Variants in GRIN2B observed in about 807,000 individuals in gnomAD.
GRIN2B encodes glutamate ionotropic receptor NMDA type subunit 2B.
Under a neutral mutation model 114.5 loss-of-function variants are expected in GRIN2B, and 5 were observed. That is an observed-to-expected ratio of 0.04 (90% confidence interval 0.02 to 0.09). The LOEUF (loss-of-function observed/expected upper bound fraction) is 0.09, where lower values mean the gene tolerates loss of function less well. GRIN2B is among the 10% of genes least tolerant of loss of function. GRIN2B has a pLI of 1.00. For synonymous variants in GRIN2B, 787 were observed against 745.1 expected, an observed-to-expected ratio of 1.06 and a Z score of -0.92; for missense variants, 1,108 against 1,943.5, an observed-to-expected ratio of 0.57 and a Z score of 8.08.
At chr12:13,954,371 G>C (rs1340537040) in intron 2 of GRIN2B, among the ~76,000 whole-genome samples, 9 of 152,108 alleles carry the variant, frequency 5.9e-5, no homozygotes, top group Non-Finnish European at 1.0e-4. Context: ...GGTTGAAATG[G>C]GACAGATGGA....
chr12:13,722,314 A>G (rs186331396), intron 4 of GRIN2B, among the ~76,000 whole-genome samples: 255 of 152,266 alleles, frequency 1.7e-3, no homozygotes, highest in African/African-American at 5.7e-3. Context: ...ACTTGAAATA[A>G]TATAGTGGAG....
chr12:13,970,365 C>T (rs919330821), intron 2 of GRIN2B, among the ~76,000 whole-genome samples: 2 of 152,164 alleles, frequency 1.3e-5, no homozygotes, highest in African/African-American at 4.8e-5. Context: ...ACTAAAGATA[C>T]TTTCGTCTGT....
chr12:13,652,261 T>C (rs1949821391), intron 5 of GRIN2B, among the ~76,000 whole-genome samples: 1 of 151,762 alleles, frequency 6.6e-6, no homozygotes. Context: ...CTGCAGCCTC[T>C]GTGGAGAGGC....
intron 5 of GRIN2B, among the ~76,000 whole-genome samples, chr12:13,664,489 GC>G (rs991660514): frequency 6.6e-6 from 1 of 152,000 alleles, no homozygotes; most frequent in Non-Finnish European, 1.5e-5. Flanking sequence ...TGTAAGTTGT[GC>G]CACTTCCCAA....
intron 3 of GRIN2B, among the ~76,000 whole-genome samples, chr12:13,797,205 T>C (rs374266355): frequency 6.6e-6 from 1 of 152,182 alleles, no homozygotes; most frequent in African/African-American, 2.4e-5. Context: ...GGTTTACAGA[T>C]GATGCCTTCC....
At chr12:13,767,128 C>T (rs557825913) in intron 3 of GRIN2B, among the ~76,000 whole-genome samples, 2 of 152,068 alleles carry the variant, frequency 1.3e-5, no homozygotes, top group South Asian at 2.1e-4. Context: ...GGCGTGGTGG[C>T]GGGCGCCTGT....
chr12:13,781,223 G>A (rs987504889), intron 3 of GRIN2B, among the ~76,000 whole-genome samples: 3 of 152,148 alleles, frequency 2.0e-5, no homozygotes. Context: ...CAGTTGGCAA[G>A]AATCAAACTT....
chr12:13,752,438 A>C (rs1466988412), intron 4 of GRIN2B, among the ~76,000 whole-genome samples: 1 of 152,244 alleles, frequency 6.6e-6, no homozygotes, highest in East Asian at 1.9e-4. Context: ...TTATTTCTAC[A>C]ATGATTATCT....
At chr12:13,690,837 A>C (rs1041118527) in intron 4 of GRIN2B, among the ~76,000 whole-genome samples, 1 of 152,186 alleles carries the variant, frequency 6.6e-6, no homozygotes, top group Non-Finnish European at 1.5e-5. Context: ...AACTCAAAGC[A>C]TTGGGGGAAT....
At chr12:13,603,996 G>A (rs1591634651) in intron 10 of GRIN2B, among the ~76,000 whole-genome samples, 1 of 152,068 alleles carries the variant, frequency 6.6e-6, no homozygotes. Flanking sequence ...TGTACCTAGT[G>A]CCCAGCAAAT....
intron 3 of GRIN2B, among the ~76,000 whole-genome samples, chr12:13,838,306 A>T (rs1251632110): frequency 6.6e-6 from 1 of 152,094 alleles, no homozygotes; most frequent in East Asian, 1.9e-4. Flanking sequence ...AAAGCCCCTG[A>T]TATTCCCTTG....
intron 3 of GRIN2B, among the ~76,000 whole-genome samples, chr12:13,824,188 T>C (rs1332697256): frequency 2.0e-5 from 3 of 152,166 alleles, no homozygotes; most frequent in African/African-American, 7.2e-5. Context: ...GAAGAGTTTG[T>C]GTAGAATTGG....
intron 10 of GRIN2B, among the ~76,000 whole-genome samples, chr12:13,601,574 T>C (rs776808009): frequency 6.6e-6 from 1 of 151,976 alleles, no homozygotes; most frequent in Non-Finnish European, 1.5e-5. Flanking sequence ...GGTTAGGATG[T>C]GGCTATATCT....
chr12:13,567,747 G>A (rs542179449), intron 12 of GRIN2B, among the ~76,000 whole-genome samples: 2 of 152,188 alleles, frequency 1.3e-5, no homozygotes, highest in East Asian at 3.9e-4. Context: ...GAATAGTATG[G>A]TCGGTGGGAA....
chr12:13,559,422 A>AAAG lies in GRIN2B; in HGVS notation c.*3358_*3360dup, dbSNP rs1948512048. The AAAG allele has an allele frequency of 6.6e-6, 1 of 152,232 alleles. No individual in the cohort carries two copies. Among genetic ancestry groups the AAAG allele is most frequent in the African/African-American group, 2.4e-5 (1 of 41,448 alleles). The allele number at this position is 152,232 out of a possible 1,614,324, so 9.4% of individuals were successfully genotyped here. Reference sequence around the variant, plus strand: ...CCTCCACAAAGCCAACAGTCTAGGAAAAGAAGTTCTATTTGTCTGGTTAAC... The same window carrying AAAG: ...CCTCCACAAAGCCAACAGTCTAGGAAAAGAAGAAGTTCTATTTGTCTGGTTAAC... On this transcript the variant is annotated 3_prime_UTR_variant, in exon 14 of 14. Coordinates refer to ENST00000609686, the MANE Select transcript of GRIN2B (RefSeq NM_000834.5).
intron 4 of GRIN2B, among the ~76,000 whole-genome samples, chr12:13,694,484 T>G (rs1366757086): frequency 6.6e-6 from 1 of 151,566 alleles, no homozygotes; most frequent in Non-Finnish European, 1.5e-5. Flanking sequence ...TGTTACCTAA[T>G]ATAATCCCAT....
intron 3 of GRIN2B, among the ~76,000 whole-genome samples, chr12:13,846,059 C>A (rs1346045748): frequency 6.6e-6 from 1 of 152,184 alleles, no homozygotes; most frequent in Non-Finnish European, 1.5e-5. Flanking sequence ...ATACCAGAAA[C>A]TTCTTGAATA....
chr12:13,789,057 TAAA>T (rs1470194264), intron 3 of GRIN2B, among the ~76,000 whole-genome samples: 8 of 141,966 alleles, frequency 5.6e-5, no homozygotes, highest in Non-Finnish European at 1.1e-4. Context: ...AAAGGCTTCT[TAAA>T]GAGTCCTGGT....
At chr12:13,676,696 C>T (rs1375498855) in intron 4 of GRIN2B, among the ~76,000 whole-genome samples, 1 of 152,114 alleles carries the variant, frequency 6.6e-6, no homozygotes, top group Non-Finnish European at 1.5e-5. Context: ...CTAGAGTCTC[C>T]CTCTATCCCA....
Sources: gnomAD v4.1 joint callset for allele counts (sites outside exome capture counted in the v4.1 genomes callset) on GRCh38, gnomAD v4.1.1 for gene constraint, MANE v1.5 for transcripts, NCBI Gene and HGNC (gene_info 2026-07-23, HGNC 2026-07-21) for gene names.